The following KIAA0825 variants were observed in gnomAD, a reference collection of about 807,000 sequenced individuals.
The protein encoded by KIAA0825 is uncharacterized protein KIAA0825.
KIAA0825 carries 119 observed loss-of-function variants against 147.6 expected under a neutral mutation model. The ratio of observed to expected loss-of-function variants is 0.81; its 90% CI spans 0.69 to 0.94. KIAA0825 has a LOEUF of 0.94. KIAA0825 is among the 40% of genes least tolerant of loss of function. KIAA0825 has a pLI of 0.00. For synonymous variants in KIAA0825, 470 were observed against 518.1 expected (o/e 0.91, Z 1.26); for missense variants, 1,381 against 1,472.7 (o/e 0.94, Z 1.02).
chr5:94,505,499 G>A (rs1485185127), intron 5 of KIAA0825, among the ~76,000 whole-genome samples: 3 of 151,714 alleles, frequency 2.0e-5, no homozygotes, highest in Non-Finnish European at 4.4e-5. Flanking sequence ...AAATATGTCA[G>A]CCCCCCTACA....
chr5:94,499,593 G>C lies in KIAA0825; in HGVS notation c.971-14663C>G, dbSNP rs904267688. Among the ~76,000 whole-genome samples, 91 of 147,478 alleles carry C rather than the reference G, an allele frequency of 6.2e-4. 1 individual carries two copies. The highest frequency in any genetic ancestry group is 2.2e-3 in the African/African-American group (89 of 40,750). ...TATTTTATTTCCCAATCTGGGGGGGGGGGGGGACCAAGGGTCTTACACTTT... is the reference window on the plus strand; with the variant it reads ...TATTTTATTTCCCAATCTGGGGGGGCGGGGGGACCAAGGGTCTTACACTTT... On this transcript the variant is annotated intron_variant, in intron 5 of 20. Coordinates refer to ENST00000682413, the MANE Select transcript of KIAA0825 (RefSeq NM_001145678.3).
At chr5:94,211,040 A>T (rs1402182305) in intron 20 of KIAA0825, among the ~76,000 whole-genome samples, 2 of 152,150 alleles carry the variant, frequency 1.3e-5, no homozygotes. Flanking sequence ...AGAGACAAAA[A>T]TACTATCAAC....
chr5:94,508,413 C>T (rs1399244901), intron 5 of KIAA0825, among the ~76,000 whole-genome samples: 2 of 152,044 alleles, frequency 1.3e-5, no homozygotes, highest in East Asian at 3.9e-4. Flanking sequence ...GATATAATTA[C>T]TGTACACCCA....
In KIAA0825 at chr5:94,526,928, T is replaced by G. The variant is rs78161757; in HGVS notation, c.132-2830A>C. 5.4e-3 allele frequency among the ~76,000 whole-genome samples: 819 copies of G among 152,060 alleles called. 9 individuals carry two copies. Among genetic ancestry groups the G allele is most frequent in the African/African-American group, 0.018 (751 of 41,528 alleles). On this transcript the variant is annotated intron_variant, in intron 3 of 20. Transcript: ENST00000682413. ...GTACACAGGAGGGAGCCACTAAAAG[T>G]GCCTGTGGGAGGTGTAAAAAGGTTT...
chr5:94,608,792 T>C (rs1013015535), intron 1 of KIAA0825, among the ~76,000 whole-genome samples: 5 of 151,730 alleles, frequency 3.3e-5, no homozygotes, highest in Admixed American at 3.3e-4. Flanking sequence ...TTTGGAAAAT[T>C]TGTATACTGT....
At chr5:94,374,742 C>T (rs1198744264) in intron 20 of KIAA0825, among the ~76,000 whole-genome samples, 1 of 152,150 alleles carries the variant, frequency 6.6e-6, no homozygotes. Context: ...CTCCTTCGCC[C>T]TCACCTTTCA....
At chr5:94,265,817 C>T (rs1024304932) in intron 20 of KIAA0825, among the ~76,000 whole-genome samples, 1 of 152,034 alleles carries the variant, frequency 6.6e-6, no homozygotes, top group Non-Finnish European at 1.5e-5. Flanking sequence ...AGCAAACAAA[C>T]AAACAAACCT....
chr5:94,419,016 G>T (rs951599223), intron 14 of KIAA0825, among the ~76,000 whole-genome samples: 4 of 151,992 alleles, frequency 2.6e-5, no homozygotes, highest in Admixed American at 2.0e-4. Context: ...TAGGTCTAAG[G>T]TGTGCATCAC....
In KIAA0825 at chr5:94,323,591, C is replaced by G. The variant is rs1322700335; in HGVS notation, c.3710+60777G>C. ...AAAAAATTAATTTGAAAAGTGTATT[C>G]AGTAAAAGAATGGCAATGGCAAGAC... On this transcript the variant is annotated intron_variant, in intron 20 of 20. Transcript: ENST00000682413. Among the ~76,000 whole-genome samples the G allele has an allele frequency of 2.7e-5, 4 of 150,550 alleles. No individual in the cohort carries two copies. In the East Asian group the frequency reaches 7.8e-4, roughly 29 times the overall value.
intron 2 of KIAA0825, among the ~76,000 whole-genome samples, chr5:94,537,647 CAAA>C (rs1162517096): frequency 7.4e-5 from 5 of 68,014 alleles, no homozygotes; most frequent in Admixed American, 3.3e-4. Flanking sequence ...GACTCTGTCT[CAAA>C]AAAAAAAAAA....
chr5:94,320,760 T>C (rs959463845), intron 20 of KIAA0825, among the ~76,000 whole-genome samples: 7 of 152,042 alleles, frequency 4.6e-5, no homozygotes, highest in African/African-American at 9.7e-5. Flanking sequence ...TGATTTACAA[T>C]AGAAAAATAT....
chr5:94,403,894 T>G, intron 15 of KIAA0825, 101 bp from the exon 16 acceptor site: 1 of 959,314 alleles, frequency 1.0e-6, no homozygotes. Flanking sequence ...TTTAAAGCTA[T>G]AGGAAAGGAG....
chr5:94,403,537 G>T (rs1173792217), intron 16 of KIAA0825, 32 bp downstream of exon 16: 2 of 1,509,816 alleles, frequency 1.3e-6, no homozygotes, highest in African/African-American at 1.4e-5. Flanking sequence ...TTCTTCAGGT[G>T]TATTTTCTTA....
At chr5:94,347,147 C>T (rs752867657) in intron 20 of KIAA0825, among the ~76,000 whole-genome samples, 14 of 152,256 alleles carry the variant, frequency 9.2e-5, no homozygotes, top group African/African-American at 1.2e-4. Context: ...ACAGCAGCCT[C>T]GGTAAGACCC....
At chr5:94,162,777 A>G (rs1251295648) in intron 20 of KIAA0825, among the ~76,000 whole-genome samples, 1 of 152,198 alleles carries the variant, frequency 6.6e-6, no homozygotes, top group African/African-American at 2.4e-5. Flanking sequence ...CAAGTAGCAT[A>G]TTTCAAATAA....
chr5:94,275,860 T>C (rs1382741015), intron 20 of KIAA0825, among the ~76,000 whole-genome samples: 3 of 152,216 alleles, frequency 2.0e-5, no homozygotes, highest in Admixed American at 1.3e-4. Flanking sequence ...TAAAACAAAG[T>C]GCAGCTTCCC....
chr5:94,386,193 TG>T, intron 19 of KIAA0825, 48 bp downstream of exon 19: 1 of 1,493,046 alleles, frequency 6.7e-7, no homozygotes, highest in Admixed American at 2.4e-5. Flanking sequence ...TTTTCTTACT[TG>T]GGTAAAGAAA....
chr5:94,278,269 T>G (rs1236540769), intron 20 of KIAA0825, among the ~76,000 whole-genome samples: 1 of 152,104 alleles, frequency 6.6e-6, no homozygotes, highest in Non-Finnish European at 1.5e-5. Context: ...TGCTAGAACT[T>G]GAAGTAAAAT....
In KIAA0825 at chr5:94,152,837, AAAAAAAAAAAAAAAAAAATTATATAT is replaced by A. The variant is rs1766604741; in HGVS notation, c.*1144_*1169del. The stretch of plus-strand genomic sequence containing the variant: ...TTCTAAAATGAAAAAAAAAAAAAAA[AAAAAAAAAAAAAAAAAAATTATATAT>A]ATATATATATATATATATATATATA... On this transcript the variant is annotated 3_prime_UTR_variant, in exon 21 of 21. Transcript: ENST00000682413. 3.3e-5 allele frequency: 1 copy of A among 30,188 alleles called. No individual in the cohort carries two copies. The highest frequency in any genetic ancestry group is 6.6e-5 in the Non-Finnish European group (1 of 15,186). The allele number at this position is 30,188 out of a possible 1,614,324, so 1.9% of individuals were successfully genotyped here.
Sources: allele counts gnomAD v4.1 joint callset (sites outside exome capture counted in the v4.1 genomes callset), GRCh38; gene constraint gnomAD v4.1.1; transcripts MANE v1.5; gene names NCBI Gene and HGNC (gene_info 2026-07-23, HGNC 2026-07-21).